Variants in DOLK observed in about 807,000 individuals in gnomAD.
DOLK encodes SEC59 homolog.
A neutral mutation model predicts 31.7 loss-of-function variants in DOLK; 20 were observed. The observed-to-expected ratio is 0.63, with a 90% CI of 0.44 to 0.92. The LOEUF (loss-of-function observed/expected upper bound fraction) is 0.92, where lower values mean the gene tolerates loss of function less well. Ranked by LOEUF, DOLK falls within the 40% of genes least tolerant of loss-of-function variation. The pLI, the probability that DOLK is intolerant of heterozygous loss-of-function variation, is 0.00. For synonymous variants in DOLK, 309 were observed against 287.0 expected, an observed-to-expected ratio of 1.08 and a Z score of -0.77; for missense variants, 594 against 680.7, an observed-to-expected ratio of 0.87 and a Z score of 1.42.
In DOLK at chr9:128,946,237, C is replaced by T. The variant is rs199535796; in HGVS notation, c.1067G>A (p.Arg356Gln). 9.9e-6 allele frequency: 16 copies of T among 1,613,936 alleles called. No individual in the cohort carries two copies. In the African/African-American group the frequency reaches 1.2e-4, roughly 12 times the overall value. Residue 356 changes from arginine (R) to glutamine (Q), a missense_variant, in exon 1 of 1, where the codon CGG (arginine) becomes CAG (glutamine). Arg to Gln is a conservative substitution (Grantham distance 43, BLOSUM62 1). Coordinates refer to ENST00000372586, the MANE Select transcript of DOLK (RefSeq NM_014908.4). ...ATYIPGIIFDRPLLYVAATVC... is the reference protein window; with the variant it reads ...ATYIPGIIFDQPLLYVAATVC... ...AGTGGCGGCTACATAGAGCAGTGGC[C>T]GGTCAAAGATGATACCTGGGATGTA...
chr9:128,946,234 G>A lies in DOLK; in HGVS notation c.1070C>T (p.Pro357Leu), dbSNP rs745885619. 1 of 1,614,136 alleles carries A rather than the reference G, an allele frequency of 6.2e-7. No homozygotes were observed. The highest frequency in any genetic ancestry group is 8.5e-7 in the Non-Finnish European group (1 of 1,180,040). Residue 357 changes from proline to leucine, a missense_variant, in exon 1 of 1, where the codon CCA becomes CTA. Physicochemically the swap from Pro to Leu is moderately conservative, Grantham distance 98. Coordinates refer to ENST00000372586, the MANE Select transcript of DOLK (RefSeq NM_014908.4). The stretch of plus-strand genomic sequence containing the variant: ...TACAGTGGCGGCTACATAGAGCAGT[G>A]GCCGGTCAAAGATGATACCTGGGAT... Reference protein sequence around the residue: ...TYIPGIIFDRPLLYVAATVCL... With the variant: ...TYIPGIIFDRLLLYVAATVCL...
chr9:128,947,397 C>G lies in DOLK; in HGVS notation c.-94G>C. The G allele has an allele frequency of 6.7e-7, 1 of 1,495,288 alleles. No individual in the cohort carries two copies. The allele number at this position is 1,495,288 out of a possible 1,614,324, so 92.6% of individuals were successfully genotyped here. On this transcript the variant is annotated 5_prime_UTR_variant, in exon 1 of 1. Transcript: ENST00000372586. ...CCCGTCAAGCAGAGGGAGGCACTTT[C>G]ACCCGGCCAGCAACCTTCTCCCTCC...
At position 128,945,870 on chromosome 9, in the gene DOLK, T is replaced by C. The variant is rs536315251; in HGVS notation, c.1434A>G (p.Thr478=). The C allele has an allele frequency of 5.0e-6, 8 of 1,614,176 alleles. 1 individual carries two copies. The highest frequency in any genetic ancestry group is 4.4e-5 in the South Asian group (4 of 91,076). Residue 478 remains threonine (T), a synonymous_variant, in exon 1 of 1, where the codon ACA becomes ACG. Transcript: ENST00000372586. ...GTKKTFEGTM[T]SIFAQIISVA... ...CAGAAATGATCTGCGCAAATATAGA[T>C]GTCATGGTCCCCTCAAAAGTCTTTT...
At position 128,945,885 on chromosome 9, in the gene DOLK, A is replaced by C. The variant is rs780799327; in HGVS notation, c.1419T>G (p.Phe473Leu). 1.2e-6 allele frequency: 2 copies of C among 1,614,116 alleles called. No homozygotes were observed. The highest frequency in any genetic ancestry group is 2.7e-5 in the African/African-American group (2 of 74,944). Reference protein sequence around the residue: ...EIRWPGTKKTFEGTMTSIFAQ... With the variant: ...EIRWPGTKKTLEGTMTSIFAQ... ...CAAATATAGATGTCATGGTCCCCTC[A>C]AAAGTCTTTTTGGTTCCAGGCCAGC... The change falls in exon 1 of 1, where the codon TTT (phenylalanine) becomes TTG (leucine). Residue 473 changes from phenylalanine to leucine, a missense_variant. Coordinates refer to ENST00000372586, the MANE Select transcript of DOLK (RefSeq NM_014908.4).
rs1441121469 is a variant in DOLK, at chr9:128,946,931, A to C, written c.373T>G (p.Ser125Ala). The change falls in exon 1 of 1, where the codon TCA becomes GCA. Residue 125 changes from serine (S) to alanine (A), a missense_variant. Physicochemically the swap from Ser to Ala is moderately conservative, Grantham distance 99. Coordinates refer to ENST00000372586, the MANE Select transcript of DOLK (RefSeq NM_014908.4). ...AATGMAVALF[S>A]SVLALGITRP... ...GTGATGCCGAGCGCCAACACTGATGAGAAGAGGGCCACTGCCATGCCAGTG... is the reference window on the plus strand; with the variant it reads ...GTGATGCCGAGCGCCAACACTGATGCGAAGAGGGCCACTGCCATGCCAGTG... 1.9e-6 allele frequency: 3 copies of C among 1,603,638 alleles called. No homozygotes were observed. In the South Asian group the frequency reaches 3.3e-5, roughly 18 times the overall value.
At position 128,945,929 on chromosome 9, in the gene DOLK, T is replaced by A; in HGVS notation, c.1375A>T (p.Ser459Cys). Residue 459 changes from serine (S) to cysteine (C), a missense_variant, in exon 1 of 1, where the codon AGC becomes TGC. Ser to Cys is a moderately radical substitution (Grantham distance 112). Transcript: ENST00000372586. ...GGCCAGCGGATCTCCCCCATGGTGC[T>A]ACCGAAGATGGAGGCCACAGTATCA... ...VGDTVASIFG[S>C]TMGEIRWPGT... 1 of 1,614,192 alleles carries A rather than the reference T, an allele frequency of 6.2e-7. No homozygotes were observed. Among genetic ancestry groups the A allele is most frequent in the South Asian group, 1.1e-5 (1 of 91,088 alleles).
Position 128,947,501 on chromosome 9 carries a change from G to A in DOLK, c.-198C>T. 1.1e-6 allele frequency: 1 copy of A among 900,338 alleles called. No individual in the cohort carries two copies. Among genetic ancestry groups the A allele is most frequent in the Non-Finnish European group, 1.7e-6 (1 of 589,040 alleles). The allele number at this position is 900,338 out of a possible 1,614,324, so 55.8% of individuals were successfully genotyped here. ...AGCTGGCGCCCGGCCACCCCCCACA[G>A]CCTCCAACCTACGGCGTAGACGTCG... is the stretch of plus-strand genomic sequence containing the variant. On this transcript the variant is annotated 5_prime_UTR_variant, in exon 1 of 1. Coordinates refer to ENST00000372586, the MANE Select transcript of DOLK (RefSeq NM_014908.4).
chr9:128,945,809 G>A lies in DOLK; in HGVS notation c.1495C>T (p.Leu499=). ...AAAATCCAAGCATAACTGTAGTTTA[G>A]GTCCACTCCACTGTCAAAGATTAAG... ...LILIFDSGVD[L]NYSYAWILGS... The change falls in exon 1 of 1, where the codon CTA becomes TTA. Residue 499 remains leucine (L), a synonymous_variant. Transcript: ENST00000372586. 1 of 1,614,150 alleles carries A rather than the reference G, an allele frequency of 6.2e-7. No homozygotes were observed. The highest frequency in any genetic ancestry group is 8.5e-7 in the Non-Finnish European group (1 of 1,180,026).
At position 128,947,010 on chromosome 9, in the gene DOLK, C is replaced by T. The variant is rs876657456; in HGVS notation, c.294G>A (p.Arg98=). The T allele has an allele frequency of 4.3e-6, 7 of 1,611,024 alleles. No homozygotes were observed. The highest frequency in any genetic ancestry group is 2.2e-5 in the East Asian group (1 of 44,860). ...AGAACGGGTTCCCAGCAGTCTGGCACCGCTCCTTCATGACTAGTCCAAGCA... is the reference window on the plus strand; with the variant it reads ...AGAACGGGTTCCCAGCAGTCTGGCATCGCTCCTTCATGACTAGTCCAAGCA... ...MPLLGLVMKE[R]CQTAGNPFFE... Residue 98 remains arginine, a synonymous_variant, in exon 1 of 1, where the codon CGG becomes CGA. Coordinates refer to ENST00000372586, the MANE Select transcript of DOLK (RefSeq NM_014908.4).
chr9:128,946,531 A>C lies in DOLK; in HGVS notation c.773T>G (p.Phe258Cys). 6.2e-7 allele frequency: 1 copy of C among 1,614,152 alleles called. No homozygotes were observed. Among genetic ancestry groups the C allele is most frequent in the Non-Finnish European group, 8.5e-7 (1 of 1,180,018 alleles). ...MDSGTWASSI[F>C]FHLMTCVLSL... Reference sequence around the variant, plus strand: ...CAGCACACAGGTCATGAGGTGGAAGAAGATGGAGGAGGCCCAGGTGCCTGA... The same window carrying C: ...CAGCACACAGGTCATGAGGTGGAAGCAGATGGAGGAGGCCCAGGTGCCTGA... Residue 258 changes from phenylalanine (F) to cysteine (C), a missense_variant, in exon 1 of 1, where the codon TTC (phenylalanine) becomes TGC (cysteine). Coordinates refer to ENST00000372586, the MANE Select transcript of DOLK (RefSeq NM_014908.4).
chr9:128,946,746 G>A lies in DOLK; in HGVS notation c.558C>T (p.Pro186=), dbSNP rs778566642. The change falls in exon 1 of 1, where the codon CCC becomes CCT. Residue 186 remains proline, a synonymous_variant. Transcript: ENST00000372586. ...GTGCCTCACCAGGGGTGAAGCAGCG[G>A]GGCAGCAGGTACAGCAGGATCATGT... ...YLNMILLYLL[P]RCFTPGEALL... The A allele has an allele frequency of 1.9e-6, 3 of 1,614,072 alleles. No individual in the cohort carries two copies. Among genetic ancestry groups the A allele is most frequent in the East Asian group, 4.5e-5 (2 of 44,872 alleles).
Position 128,946,396 on chromosome 9 carries a change from T to C in DOLK, c.908A>G (p.Tyr303Cys), listed in dbSNP as rs780974264. 9.9e-6 allele frequency: 16 copies of C among 1,613,822 alleles called. No individual in the cohort carries two copies. The highest frequency in any genetic ancestry group is 2.2e-5 in the South Asian group (2 of 91,064). The change falls in exon 1 of 1, where the codon TAT becomes TGT. Residue 303 changes from tyrosine to cysteine, a missense_variant. By Grantham distance (194) the Tyr-to-Cys change is radical. Coordinates refer to ENST00000372586, the MANE Select transcript of DOLK (RefSeq NM_014908.4). ...QTDTRIYLLA[Y>C]WSLLATLACL... ...GGCCAAGGTGGCCAGCAGAGACCAA[T>C]AGGCTAGGAGGTAGATGCGGGTGTC...
In DOLK at chr9:128,947,089, T is replaced by C. The variant is rs1217918166; in HGVS notation, c.215A>G (p.Gln72Arg). The C allele has an allele frequency of 3.1e-6, 5 of 1,614,002 alleles. No individual in the cohort carries two copies. The South Asian group carries it at 5.5e-5, about 18-fold the overall frequency. The change falls in exon 1 of 1, where the codon CAG (glutamine) becomes CGG (arginine). Residue 72 changes from glutamine to arginine, a missense_variant. Coordinates refer to ENST00000372586, the MANE Select transcript of DOLK (RefSeq NM_014908.4). Reference protein sequence around the residue: ...RLLQQGSAVFQFRMSANSGLL... With the variant: ...RLLQQGSAVFRFRMSANSGLL... ...GCCACTGTTTGCGGACATTCGGAAC[T>C]GGAAGACGGCGCTTCCCTGCTGTAG...
In DOLK at chr9:128,946,404, G is replaced by A; in HGVS notation, c.900C>T (p.Leu300=). The A allele has an allele frequency of 1.9e-6, 3 of 1,614,086 alleles. No homozygotes were observed. Among genetic ancestry groups the A allele is most frequent in the South Asian group, 2.2e-5 (2 of 91,078 alleles). Residue 300 remains leucine (L), a synonymous_variant, in exon 1 of 1, where the codon CTC becomes CTT. Transcript: ENST00000372586. ...FLFQTDTRIY[L]LAYWSLLATL... Reference sequence around the variant, plus strand: ...TGGCCAGCAGAGACCAATAGGCTAGGAGGTAGATGCGGGTGTCTGTCTGGA... The same window carrying A: ...TGGCCAGCAGAGACCAATAGGCTAGAAGGTAGATGCGGGTGTCTGTCTGGA...
Position 128,945,628 on chromosome 9 carries a change from G to C in DOLK, c.*59C>G. ...TCATGCCCAAGTAGCTGTCTGCTGT[G>C]GGGACTGTTCACCCTCCCCATGTCT... On this transcript the variant is annotated 3_prime_UTR_variant, in exon 1 of 1. Coordinates refer to ENST00000372586, the MANE Select transcript of DOLK (RefSeq NM_014908.4). 3.1e-6 allele frequency: 5 copies of C among 1,601,414 alleles called. No homozygotes were observed. The South Asian group carries it at 5.5e-5, about 18-fold the overall frequency.
chr9:128,945,726 G>A lies in DOLK; in HGVS notation c.1578C>T (p.Leu526=). 1 of 1,614,186 alleles carries A rather than the reference G, an allele frequency of 6.2e-7. No individual in the cohort carries two copies. Residue 526 remains leucine, a synonymous_variant, in exon 1 of 1, where the codon CTC becomes CTT. Transcript: ENST00000372586. The part of the protein sequence containing the change: ...LEAYTTQIDN[L]LLPLYLLILL... ...ATATCAGGAGGTAGAGAGGCAGAAG[G>A]AGATTGTCTATCTGTGTAGTGTATG...
Position 128,946,392 on chromosome 9 carries a change from C to T in DOLK, c.912G>A (p.Trp304Ter). Reference protein sequence around the residue: ...TDTRIYLLAYWSLLATLACLV... With the variant: ...TDTRIYLLAY Reference sequence around the variant, plus strand: ...GGCAGGCCAAGGTGGCCAGCAGAGACCAATAGGCTAGGAGGTAGATGCGGG... The same window carrying T: ...GGCAGGCCAAGGTGGCCAGCAGAGATCAATAGGCTAGGAGGTAGATGCGGG... Residue 304 changes from tryptophan (W) to a stop codon, truncating the protein, a stop_gained, in exon 1 of 1, where the codon TGG becomes TGA. Coordinates refer to ENST00000372586, the MANE Select transcript of DOLK (RefSeq NM_014908.4). LOFTEE classifies it high-confidence loss of function. 6.2e-7 allele frequency: 1 copy of T among 1,613,910 alleles called. No homozygotes were observed. Among genetic ancestry groups the T allele is most frequent in the Non-Finnish European group, 8.5e-7 (1 of 1,179,948 alleles).
Position 128,947,210 on chromosome 9 carries a change from G to A in DOLK, c.94C>T (p.Leu32=), listed in dbSNP as rs760999273. The A allele has an allele frequency of 3.3e-5, 53 of 1,612,856 alleles. No individual in the cohort carries two copies. Among genetic ancestry groups the A allele is most frequent in the Non-Finnish European group, 4.2e-5 (49 of 1,180,008 alleles). The change falls in exon 1 of 1, where the codon CTG becomes TTG. Residue 32 remains leucine, a synonymous_variant. Coordinates refer to ENST00000372586, the MANE Select transcript of DOLK (RefSeq NM_014908.4). The part of the protein sequence containing the change: ...AEAAVVFAVV[L]SIHATVWDRY... Reference sequence around the variant, plus strand: ...TCCCATACGGTTGCGTGGATGCTCAGCACCACTGCAAACACTACTGCCGCC... The same window carrying A: ...TCCCATACGGTTGCGTGGATGCTCAACACCACTGCAAACACTACTGCCGCC...
chr9:128,945,563 T>C lies in DOLK; in HGVS notation c.*124A>G, dbSNP rs758102948. ...CTTTGCTTTTTATTTTAAATCTGAA[T>C]CAACTGAAAAATCAAATCTGCTTTT... is the stretch of plus-strand genomic sequence containing the variant. On this transcript the variant is annotated 3_prime_UTR_variant, in exon 1 of 1. Transcript: ENST00000372586. 2.8e-4 allele frequency: 331 copies of C among 1,191,672 alleles called. No individual in the cohort carries two copies. The highest frequency in any genetic ancestry group is 4.0e-4 in the Non-Finnish European group (320 of 805,280). 73.8% of individuals were successfully genotyped at this position (1,191,672 alleles called of 1,614,324 possible). A position where few individuals can be genotyped will look rare whatever the true frequency, so the allele number is the denominator to read the frequency against.
Sources: allele counts gnomAD v4.1 joint callset, GRCh38; gene constraint gnomAD v4.1.1; transcripts MANE v1.5; gene names NCBI Gene and HGNC (gene_info 2026-07-23, HGNC 2026-07-21).